GNG5: variants seen among roughly 807,000 people sequenced by gnomAD.
GNG5 encodes the protein guanine nucleotide-binding protein G(I)/G(S)/G(O) subunit gamma-5.
In GNG5, 2 loss-of-function variants were observed where a neutral mutation model predicts 6.2. The ratio of observed to expected loss-of-function variants is 0.32; its 90% CI spans 0.13 to 1.01. The LOEUF is 1.01. GNG5 is among the 50% of genes least tolerant of loss of function. The pLI, the probability that GNG5 is intolerant of heterozygous loss-of-function variation, is 0.48. For missense variants in GNG5, 57 were observed against 80.2 expected, an observed-to-expected ratio of 0.71 and a Z score of 1.10; for synonymous variants, 24 against 33.0, an observed-to-expected ratio of 0.73 and a Z score of 0.93.
chr1:84,505,621 G>A (rs1002706419), intron 2 of GNG5, among the ~76,000 whole-genome samples: 5 of 152,368 alleles, frequency 3.3e-5, no homozygotes, highest in East Asian at 1.9e-4. Context: ...TACCCTGTCC[G>A]ATGAGAAACA....
chr1:84,504,547 C>G (rs1682122348), intron 2 of GNG5, among the ~76,000 whole-genome samples: 1 of 152,148 alleles, frequency 6.6e-6, no homozygotes, highest in Non-Finnish European at 1.5e-5. Context: ...TATCCCACCC[C>G]CATTTTTTTT....
Position 84,506,237 on chromosome 1 carries a change from C to A in GNG5, c.-146G>T, listed in dbSNP as rs184926343. 667 of 559,268 alleles carry A rather than the reference C, an allele frequency of 1.2e-3. 3 individuals carry two copies. The African/African-American group carries it at 0.012, about 10-fold the overall frequency. The allele number at this position is 559,268 out of a possible 1,614,324, so 34.6% of individuals were successfully genotyped here. Reference sequence around the variant, plus strand: ...CGGTTCTGTGCTCAGCGGCTCCACCCTCGGTGCGCATGCGCGCCTTGCCAG... The same window carrying A: ...CGGTTCTGTGCTCAGCGGCTCCACCATCGGTGCGCATGCGCGCCTTGCCAG... On this transcript the variant is annotated 5_prime_UTR_variant, in exon 2 of 4. The change creates a new upstream start codon in the 5' untranslated region. Transcript: ENST00000370645.
chr1:84,502,874 T>G (rs1158564054), intron 2 of GNG5, among the ~76,000 whole-genome samples: 1 of 152,264 alleles, frequency 6.6e-6, no homozygotes, highest in African/African-American at 2.4e-5. Flanking sequence ...TTCATTCACT[T>G]AGACATCTAC....
intron 2 of GNG5, chr1:84,503,639 A>C (rs1682100806): frequency 6.6e-6 from 1 of 152,230 alleles, no homozygotes; most frequent in Non-Finnish European, 1.5e-5. Context: ...GGAAGCATAA[A>C]GAGTACCTGT....
intron 2 of GNG5, among the ~76,000 whole-genome samples, chr1:84,504,764 C>T (rs1306380323): frequency 1.3e-5 from 2 of 152,186 alleles, no homozygotes; most frequent in African/African-American, 4.8e-5. Flanking sequence ...GGGGATCCCA[C>T]ACCAAGACGA....
Position 84,501,988 on chromosome 1 carries a change from G to A in GNG5, c.82-18C>T, listed in dbSNP as rs368688263. On this transcript the variant is annotated intron_variant, in intron 2 of 3. Transcript: ENST00000370645. Reference sequence around the variant, plus strand: ...TGGGAAACCTATACATAACAAAGAGGGGGGGAAGTGCCAGATGGTGAGAAC... The same window carrying A: ...TGGGAAACCTATACATAACAAAGAGAGGGGGAAGTGCCAGATGGTGAGAAC... 118 of 1,600,304 alleles carry A rather than the reference G, an allele frequency of 7.4e-5. No homozygotes were observed. Among genetic ancestry groups the A allele is most frequent in the Non-Finnish European group, 8.8e-5 (103 of 1,168,934 alleles).
chr1:84,503,443 A>G (rs181795510), intron 2 of GNG5, among the ~76,000 whole-genome samples: 5 of 152,328 alleles, frequency 3.3e-5, no homozygotes, highest in Admixed American at 3.3e-4. Context: ...TTGCTTATAC[A>G]GCAGTCCAGA....
chr1:84,501,710 C>A, intron 3 of GNG5, 116 bp downstream of exon 3: 1 of 637,486 alleles, frequency 1.6e-6, no homozygotes, highest in Non-Finnish European at 2.8e-6. Flanking sequence ...CAGAAAAATA[C>A]TGGAAATGGA....
rs1441827942 is a variant in GNG5 at position 84,498,465 on chromosome 1, G to C, written c.*103C>G. 6.6e-6 allele frequency: 1 copy of C among 152,528 alleles called. No homozygotes were observed. The highest frequency in any genetic ancestry group is 2.4e-5 in the African/African-American group (1 of 41,336). The allele number at this position is 152,528 out of a possible 1,614,324, so 9.4% of individuals were successfully genotyped here. ...TAGAAGTTTGTATATTATGGCACAT[G>C]TGTTACAGGGATAAGCTTTTGTACA... is the stretch of plus-strand genomic sequence containing the variant. On this transcript the variant is annotated 3_prime_UTR_variant, in exon 4 of 4. Transcript: ENST00000370645.
Position 84,506,049 on chromosome 1 carries a change from G to T in GNG5, c.43C>A (p.Gln15Lys), listed in dbSNP as rs1014616397. The change falls in exon 2 of 4, where the codon CAA (glutamine) becomes AAA (lysine). Residue 15 changes from glutamine (Q) to lysine (K), a missense_variant. Coordinates refer to ENST00000370645, the MANE Select transcript of GNG5 (RefSeq NM_005274.3). ...AGTCCGGCCTCCAGCCGGAGCTGTT[G>T]AACCACTTTCTTCATAGCGGCGACG... ...SSVAAMKKVV[Q>K]QLRLEAGLNR... 1 of 1,577,762 alleles carries T rather than the reference G, an allele frequency of 6.3e-7. No homozygotes were observed. The highest frequency in any genetic ancestry group is 1.8e-5 in the Admixed American group (1 of 55,606).
intron 2 of GNG5, 126 bp downstream of exon 2, chr1:84,505,885 G>C: frequency 3.3e-6 from 2 of 605,072 alleles, no homozygotes; most frequent in Non-Finnish European, 5.0e-6. Context: ...CGCCGCCGCT[G>C]AGCGCGCGTC....
At chr1:84,504,220 A>G (rs369528285) in intron 2 of GNG5, among the ~76,000 whole-genome samples, 9 of 152,258 alleles carry the variant, frequency 5.9e-5, no homozygotes, top group East Asian at 5.8e-4. Flanking sequence ...CCAGTCATTG[A>G]TAAAACAGAT....
At chr1:84,501,723 G>T in intron 3 of GNG5, 103 bp downstream of exon 3, 1 of 682,606 alleles carries the variant, frequency 1.5e-6, no homozygotes, top group Non-Finnish European at 2.5e-6. Context: ...GAAATGGAGG[G>T]CCAAAGGAAA....
intron 2 of GNG5, among the ~76,000 whole-genome samples, chr1:84,502,612 T>C (rs964962565): frequency 7.2e-5 from 11 of 152,298 alleles, no homozygotes; most frequent in African/African-American, 2.6e-4. Flanking sequence ...AGTGCAAACC[T>C]GAGGGTACTT....
chr1:84,501,477 A>G (rs963180167), intron 3 of GNG5, among the ~76,000 whole-genome samples: 10 of 150,382 alleles, frequency 6.6e-5, no homozygotes, highest in Non-Finnish European at 8.9e-5. Flanking sequence ...AATATTTGCC[A>G]GGTACACAAA....
At chr1:84,499,826 A>T (rs1014750542) in intron 3 of GNG5, among the ~76,000 whole-genome samples, 4 of 152,208 alleles carry the variant, frequency 2.6e-5, no homozygotes, top group African/African-American at 9.7e-5. Flanking sequence ...TCTTAAAAGG[A>T]AATACAGGGC....
At chr1:84,505,902 A>C (rs1682189864) in intron 2 of GNG5, 109 bp downstream of exon 2, 1 of 748,354 alleles carries the variant, frequency 1.3e-6, no homozygotes, top group Non-Finnish European at 1.9e-6. Flanking sequence ...CGTCCTCTCC[A>C]GGGGAAGCGA....
In GNG5 at chr1:84,506,236, C is replaced by A; in HGVS notation, c.-145G>T. 1.8e-6 allele frequency: 1 copy of A among 557,228 alleles called. No homozygotes were observed. Among genetic ancestry groups the A allele is most frequent in the South Asian group, 3.4e-5 (1 of 29,846 alleles). The allele number at this position is 557,228 out of a possible 1,614,324, so 34.5% of individuals were successfully genotyped here. A position where few individuals can be genotyped will look rare whatever the true frequency, so the allele number is the denominator to read the frequency against. Reference sequence around the variant, plus strand: ...CCGGTTCTGTGCTCAGCGGCTCCACCCTCGGTGCGCATGCGCGCCTTGCCA... The same window carrying A: ...CCGGTTCTGTGCTCAGCGGCTCCACACTCGGTGCGCATGCGCGCCTTGCCA... On this transcript the variant is annotated 5_prime_UTR_variant, in exon 2 of 4. Coordinates refer to ENST00000370645, the MANE Select transcript of GNG5 (RefSeq NM_005274.3).
rs1682198567 is a variant in GNG5, at chr1:84,505,974, C to G, written c.81+37G>C. On this transcript the variant is annotated intron_variant, in intron 2 of 3. Coordinates refer to ENST00000370645, the MANE Select transcript of GNG5 (RefSeq NM_005274.3). ...GCCGCCGGATCCCACCCGCCGCCGC[C>G]GCCTTCCTCCCGCCTCGGCCGCCCG... The G allele has an allele frequency of 3.5e-6, 5 of 1,411,386 alleles. No individual in the cohort carries two copies. In the South Asian group the frequency reaches 4.4e-5, roughly 12 times the overall value. The allele number at this position is 1,411,386 out of a possible 1,614,324, so 87.4% of individuals were successfully genotyped here. A position where few individuals can be genotyped will look rare whatever the true frequency, so the allele number is the denominator to read the frequency against.
Sources: allele counts gnomAD v4.1 joint callset (sites outside exome capture counted in the v4.1 genomes callset), GRCh38; gene constraint gnomAD v4.1.1; transcripts MANE v1.5; gene names NCBI Gene and HGNC (gene_info 2026-07-23, HGNC 2026-07-21).